Variants in DMD observed in about 807,000 individuals in gnomAD.
The protein encoded by DMD is mutant dystrophin.
Under a neutral mutation model 330.1 loss-of-function variants are expected in DMD, and 63 were observed. The observed-to-expected ratio is 0.19, with a 90% CI of 0.16 to 0.24. The LOEUF is 0.24. Ranked by LOEUF, DMD falls within the 10% of genes least tolerant of loss-of-function variation. The pLI, the probability that DMD is intolerant of heterozygous loss-of-function variation, is 1.00. For missense variants in DMD, 3,344 were observed against 2,684.1 expected, an observed-to-expected ratio of 1.25 and a Z score of -5.43; for synonymous variants, 1,223 against 959.8, an observed-to-expected ratio of 1.27 and a Z score of -5.07.
intron 25 of DMD, among the ~76,000 whole-genome samples, chrX:32,460,304 C>T (rs1222689572): frequency 9.1e-6 from 1 of 110,204 alleles, no homozygotes; most frequent in East Asian, 2.9e-4. Context: ...CTGTAGAGAA[C>T]AGCATGGAGG....
chrX:32,007,665 A>T (rs978786582), intron 44 of DMD, among the ~76,000 whole-genome samples: 1 of 111,147 alleles, frequency 9.0e-6, no homozygotes, highest in Non-Finnish European at 1.9e-5. Context: ...TAAAGATTTC[A>T]GGCCAAATAC....
intron 51 of DMD, among the ~76,000 whole-genome samples, chrX:31,743,198 C>CA (rs2087511280): frequency 8.9e-6 from 1 of 112,146 alleles, no homozygotes; most frequent in African/African-American, 3.2e-5. Context: ...AAAAAAATGA[C>CA]AGATGCTGCT....
At chrX:32,682,002 CTAG>C (rs2062461271) in intron 9 of DMD, among the ~76,000 whole-genome samples, 1 of 111,390 alleles carries the variant, frequency 9.0e-6, no homozygotes, top group Non-Finnish European at 1.9e-5. Context: ...TGATGCCAAG[CTAG>C]TAGGCCAGTG....
At chrX:33,170,592 G>A (rs1388239341) in intron 1 of DMD, among the ~76,000 whole-genome samples, 1 of 111,257 alleles carries the variant, frequency 9.0e-6, no homozygotes, top group Non-Finnish European at 1.9e-5. Context: ...TAACCAAACA[G>A]ATCCCAAATA....
intron 43 of DMD, among the ~76,000 whole-genome samples, chrX:32,230,339 G>T (rs1222701312): frequency 8.9e-6 from 1 of 111,954 alleles, no homozygotes; most frequent in African/African-American, 3.2e-5. Context: ...CTGCCTCCCA[G>T]GTTCACGCCT....
intron 44 of DMD, among the ~76,000 whole-genome samples, chrX:32,174,662 T>G (rs978116537): frequency 1.8e-5 from 2 of 112,473 alleles, no homozygotes; most frequent in African/African-American, 6.5e-5. Flanking sequence ...AATGTTGTCT[T>G]TGGAAGCTAT....
intron 2 of DMD, among the ~76,000 whole-genome samples, chrX:33,011,574 T>C (rs752116518): frequency 2.6e-4 from 29 of 112,605 alleles, no homozygotes; most frequent in African/African-American, 9.0e-4. Context: ...TAATTATTTG[T>C]TGATGCAATT....
intron 59 of DMD, among the ~76,000 whole-genome samples, chrX:31,473,711 CAAA>C (rs55752684): frequency 1.0e-4 from 4 of 40,125 alleles, no homozygotes; most frequent in African/African-American, 9.0e-5. Flanking sequence ...GACTCTGTCT[CAAA>C]AAAAAAAAAA....
chrX:31,281,453 T>C (rs746153802), intron 62 of DMD, among the ~76,000 whole-genome samples: 1 of 112,238 alleles, frequency 8.9e-6, no homozygotes, highest in African/African-American at 3.2e-5. Flanking sequence ...CAGCATGTTA[T>C]CCTATGTAAT....
chrX:32,795,896 G>C (rs1002849868), intron 7 of DMD, among the ~76,000 whole-genome samples: 1 of 111,495 alleles, frequency 9.0e-6, no homozygotes, highest in Non-Finnish European at 1.9e-5. Flanking sequence ...ATCAAGTCAT[G>C]ATGAGCCATC....
chrX:31,731,074 C>T (rs1027635125), intron 51 of DMD, among the ~76,000 whole-genome samples: 1 of 111,638 alleles, frequency 9.0e-6, no homozygotes, highest in Non-Finnish European at 1.9e-5. Flanking sequence ...ATGCAAAAAA[C>T]TTTTCCAAAC....
chrX:32,726,889 G>GT (rs1360300118), intron 7 of DMD, among the ~76,000 whole-genome samples: 6 of 109,962 alleles, frequency 5.5e-5, no homozygotes, highest in African/African-American at 2.0e-4. Flanking sequence ...TAGGCCTAAC[G>GT]TTTACTAGAT....
chrX:32,361,166 TGAA>T (rs1274922991), intron 37 of DMD, among the ~76,000 whole-genome samples: 2 of 111,889 alleles, frequency 1.8e-5, no homozygotes, highest in African/African-American at 3.2e-5. Flanking sequence ...ATCTTAGTAA[TGAA>T]GTAGTAGCAT....
intron 37 of DMD, among the ~76,000 whole-genome samples, chrX:32,354,030 C>T (rs183181641): frequency 2.3e-3 from 260 of 111,342 alleles, no homozygotes; most frequent in African/African-American, 7.8e-3. Flanking sequence ...AAATTGAAAG[C>T]ATTCAAAATT....
At chrX:33,028,455 G>C (rs10126278) in intron 1 of DMD, among the ~76,000 whole-genome samples, 27,668 of 111,243 alleles carry the variant, frequency 0.25, 2,648 homozygotes, top group Non-Finnish European at 0.29. Flanking sequence ...TTTGACTCCA[G>C]TGTACTCCTC....
intron 16 of DMD, among the ~76,000 whole-genome samples, chrX:32,563,942 C>T (rs1250570064): frequency 9.0e-6 from 1 of 111,304 alleles, no homozygotes; most frequent in Non-Finnish European, 1.9e-5. Context: ...GGTTTGCTTA[C>T]CAATTATTTC....
At chrX:32,042,534 A>G (rs1489246563) in intron 44 of DMD, among the ~76,000 whole-genome samples, 1 of 111,437 alleles carries the variant, frequency 9.0e-6, no homozygotes, top group Non-Finnish European at 1.9e-5. Flanking sequence ...CTCTCCCTTG[A>G]CACACGGGGA....
At chrX:31,408,243 G>A (rs765587779) in intron 60 of DMD, among the ~76,000 whole-genome samples, 1 of 111,939 alleles carries the variant, frequency 8.9e-6, no homozygotes. Context: ...TGGCTCACTA[G>A]AGTACTGAAT....
intron 1 of DMD, among the ~76,000 whole-genome samples, chrX:33,304,333 T>C (rs1401044057): frequency 9.0e-6 from 1 of 111,147 alleles, no homozygotes; most frequent in Non-Finnish European, 1.9e-5. Flanking sequence ...CCCTATTTAA[T>C]AAATGGTGCT....
Sources: gnomAD v4.1 joint callset for allele counts (sites outside exome capture counted in the v4.1 genomes callset) on GRCh38, gnomAD v4.1.1 for gene constraint, MANE v1.5 for transcripts, NCBI Gene and HGNC (gene_info 2026-07-23, HGNC 2026-07-21) for gene names.